MCCC2: variants seen among roughly 807,000 people sequenced by gnomAD.
MCCC2 encodes methylcrotonoyl-CoA carboxylase beta chain, mitochondrial.
Under a neutral mutation model 77.2 loss-of-function variants are expected in MCCC2, and 52 were observed. The ratio of observed to expected loss-of-function variants is 0.67; its 90% CI spans 0.54 to 0.85. The LOEUF (loss-of-function observed/expected upper bound fraction) is 0.85. MCCC2 is among the 40% of genes least tolerant of loss of function. MCCC2 has a pLI of 0.00. For missense variants in MCCC2, 682 were observed against 703.2 expected, an observed-to-expected ratio of 0.97 and a Z score of 0.34; for synonymous variants, 253 against 248.4, an observed-to-expected ratio of 1.02 and a Z score of -0.18.
intron 6 of MCCC2, among the ~76,000 whole-genome samples, chr5:71,620,573 A>C (rs190386330): frequency 6.6e-6 from 1 of 152,156 alleles, no homozygotes; most frequent in East Asian, 1.9e-4. Flanking sequence ...TCTGTCAGAG[A>C]CCCTTTCCAT....
rs1027140642 is a variant in MCCC2, at chr5:71,649,892, C to T, written c.1374-177C>T. The stretch of plus-strand genomic sequence containing the variant: ...AAGTCCCATCTGTGCTCAGGACCCT[C>T]CTCTGGAGTCTAGTCTGGGGTGTGT... On this transcript the variant is annotated intron_variant, in intron 14 of 16. Transcript: ENST00000340941. Among the ~76,000 whole-genome samples the T allele has an allele frequency of 3.3e-5, 5 of 152,192 alleles. No homozygotes were observed. The South Asian group carries it at 6.2e-4, about 19-fold the overall frequency.
intron 6 of MCCC2, among the ~76,000 whole-genome samples, chr5:71,610,229 G>A (rs2112354744): frequency 6.6e-6 from 1 of 152,362 alleles, no homozygotes; most frequent in Admixed American, 6.5e-5. Flanking sequence ...GACTCCGTGG[G>A]CGTAGGACCC....
At chr5:71,603,228 C>T (rs1008618205) in intron 5 of MCCC2, among the ~76,000 whole-genome samples, 1 of 151,488 alleles carries the variant, frequency 6.6e-6, no homozygotes, top group African/African-American at 2.4e-5. Flanking sequence ...CTGGCTAACA[C>T]ACTGAAACCT....
Position 71,650,169 on chromosome 5 carries a change from C to T in MCCC2, c.1474C>T (p.Arg492Trp), listed in dbSNP as rs531891095. Residue 492 changes from arginine (R) to tryptophan (W), a missense_variant, in exon 15 of 17, where the codon CGG becomes TGG. Coordinates refer to ENST00000340941, the MANE Select transcript of MCCC2 (RefSeq NM_022132.5). ...LATITKDQRA[R>W]EGKQFSSADE... ...CACGATAACAAAGGACCAAAGAGCC[C>T]GGGAAGGAAAGCAGGTCGGTGTCGT... 4.1e-5 allele frequency: 66 copies of T among 1,614,008 alleles called. 1 individual carries two copies. The South Asian group carries it at 5.2e-4, about 13-fold the overall frequency.
intron 6 of MCCC2, among the ~76,000 whole-genome samples, chr5:71,614,343 CTAAT>C (rs1173953829): frequency 1.3e-5 from 2 of 152,064 alleles, no homozygotes; most frequent in Non-Finnish European, 2.9e-5. Context: ...TTCTCTTACT[CTAAT>C]TAATTTTCTT....
intron 15 of MCCC2, among the ~76,000 whole-genome samples, chr5:71,651,699 C>A (rs1392706453): frequency 6.6e-6 from 1 of 152,186 alleles, no homozygotes; most frequent in Non-Finnish European, 1.5e-5. Context: ...ATTGAGGTTT[C>A]AGATTCACTT....
rs746257649 is a variant in MCCC2 at position 71,587,475 on chromosome 5, C to T, written c.50C>T (p.Pro17Leu). The stretch of plus-strand genomic sequence containing the variant: ...CTGCGGCCGTGTGCCCGCGCCTCTC[C>T]CGCCGGGCCGCGCGCCTATCACGGG... Reference protein sequence around the residue: ...LALRPCARASPAGPRAYHGDS... With the variant: ...LALRPCARASLAGPRAYHGDS... The change falls in exon 1 of 17, where the codon CCC becomes CTC. Residue 17 changes from proline to leucine, a missense_variant. Pro to Leu is a moderately conservative substitution (Grantham distance 98, BLOSUM62 -3). Transcript: ENST00000340941. 6.5e-7 allele frequency: 1 copy of T among 1,536,546 alleles called. No homozygotes were observed. The highest frequency in any genetic ancestry group is 1.2e-5 in the South Asian group (1 of 83,964).
chr5:71,623,236 A>G (rs932755695), intron 6 of MCCC2, among the ~76,000 whole-genome samples: 1 of 152,210 alleles, frequency 6.6e-6, no homozygotes, highest in Non-Finnish European at 1.5e-5. Flanking sequence ...AAACTTGTGC[A>G]GTGTAAAACA....
At chr5:71,611,280 A>G (rs144307624) in intron 6 of MCCC2, among the ~76,000 whole-genome samples, 3,589 of 152,164 alleles carry the variant, frequency 0.024, 71 homozygotes, top group South Asian at 0.074. Context: ...GCACATGCCT[A>G]TGGTTCCAGC....
At chr5:71,612,068 T>C (rs2112363897) in intron 6 of MCCC2, among the ~76,000 whole-genome samples, 1 of 152,224 alleles carries the variant, frequency 6.6e-6, no homozygotes, top group East Asian at 1.9e-4. Flanking sequence ...CCTCCCAAAG[T>C]GCTGGGATAA....
At chr5:71,590,258 T>G (rs1744921449) in intron 1 of MCCC2, among the ~76,000 whole-genome samples, 1 of 152,198 alleles carries the variant, frequency 6.6e-6, no homozygotes, top group South Asian at 2.1e-4. Flanking sequence ...AGTCTCATCC[T>G]AAGGAGGCTA....
intron 1 of MCCC2, among the ~76,000 whole-genome samples, chr5:71,590,109 AACACACAC>A (rs145490017): frequency 6.6e-6 from 1 of 151,104 alleles, no homozygotes; most frequent in Non-Finnish European, 1.5e-5. Flanking sequence ...AGGTGATTAA[AACACACAC>A]ACACACACAC....
intron 6 of MCCC2, among the ~76,000 whole-genome samples, chr5:71,620,037 C>T (rs1355781360): frequency 6.6e-6 from 1 of 151,820 alleles, no homozygotes; most frequent in Non-Finnish European, 1.5e-5. Context: ...TGGATAGGGC[C>T]TAGGAGAAAC....
intron 6 of MCCC2, among the ~76,000 whole-genome samples, chr5:71,611,100 A>G (rs1219655177): frequency 6.6e-6 from 1 of 152,144 alleles, no homozygotes; most frequent in African/African-American, 2.4e-5. Flanking sequence ...ATGAAGAGAT[A>G]CTTAGAAGAA....
intron 3 of MCCC2, 120 bp from the exon 4 acceptor site, chr5:71,599,539 A>G: frequency 1.3e-6 from 1 of 776,916 alleles, no homozygotes; most frequent in East Asian, 2.7e-5. Flanking sequence ...TTTTATATAC[A>G]ACATGTGTAT....
At chr5:71,598,446 T>TA (rs1305424901) in intron 3 of MCCC2, among the ~76,000 whole-genome samples, 3 of 151,646 alleles carry the variant, frequency 2.0e-5, no homozygotes, top group Admixed American at 6.6e-5. Context: ...ATTAATTAAT[T>TA]ATTTATTTTT....
At chr5:71,591,841 C>T (rs1003340595) in intron 1 of MCCC2, among the ~76,000 whole-genome samples, 2 of 152,216 alleles carry the variant, frequency 1.3e-5, no homozygotes, top group Admixed American at 6.5e-5. Context: ...CAGCTTCAAA[C>T]TCCTGGGCTC....
chr5:71,609,276 C>T (rs1227096951), intron 6 of MCCC2, among the ~76,000 whole-genome samples: 3 of 150,164 alleles, frequency 2.0e-5, no homozygotes, highest in African/African-American at 4.9e-5. Flanking sequence ...TCTTTTTATT[C>T]TTTTTTCTCT....
At chr5:71,643,274 C>T (rs1353799892) in intron 11 of MCCC2, among the ~76,000 whole-genome samples, 1 of 151,774 alleles carries the variant, frequency 6.6e-6, no homozygotes, top group Non-Finnish European at 1.5e-5. Flanking sequence ...CTCAGCTACT[C>T]AGGAGGCTGA....
Sources: gnomAD v4.1 joint callset for allele counts (sites outside exome capture counted in the v4.1 genomes callset) on GRCh38, gnomAD v4.1.1 for gene constraint, MANE v1.5 for transcripts, NCBI Gene and HGNC (gene_info 2026-07-23, HGNC 2026-07-21) for gene names.